The following ROBO2 variants were observed in gnomAD, a reference collection of about 807,000 sequenced individuals.
The protein encoded by ROBO2 is roundabout guidance receptor 2, also known as roundabout homolog 2.
Under a neutral mutation model 160.8 loss-of-function variants are expected in ROBO2, and 53 were observed. The ratio of observed to expected loss-of-function variants is 0.33; its 90% CI spans 0.26 to 0.41. ROBO2 has a LOEUF of 0.41. Among genes scored for constraint, ROBO2 ranks in the 10% least tolerant of loss-of-function variants. The probability of loss-of-function intolerance (pLI) is 1.00; values close to 1 mark genes in which losing one functional copy is unlikely to be tolerated. For synonymous variants in ROBO2, 664 were observed against 611.7 expected (o/e 1.09, Z -1.26); for missense variants, 1,577 against 1,722.4 (o/e 0.92, Z 1.49).
At chr3:75,957,525 T>C (rs1948764611) in intron 2 of ROBO2, among the ~76,000 whole-genome samples, 1 of 151,530 alleles carries the variant, frequency 6.6e-6, no homozygotes, top group African/African-American at 2.4e-5. Flanking sequence ...TTTTTTTTTT[T>C]ACTTCAGTAT....
At chr3:76,727,864 C>A (rs539036148) in intron 2 of ROBO2, among the ~76,000 whole-genome samples, 1 of 151,916 alleles carries the variant, frequency 6.6e-6, no homozygotes, top group Admixed American at 6.6e-5. Flanking sequence ...TAGTTAACAA[C>A]AATGTATGGT....
chr3:77,254,195 C>T (rs2090681876), intron 2 of ROBO2, among the ~76,000 whole-genome samples: 1 of 152,148 alleles, frequency 6.6e-6, no homozygotes, highest in Admixed American at 6.5e-5. Flanking sequence ...AGCCCAGGAG[C>T]AGTTAGAGGC....
At chr3:77,164,547 C>A (rs1355881248) in intron 2 of ROBO2, among the ~76,000 whole-genome samples, 18 of 145,330 alleles carry the variant, frequency 1.2e-4, no homozygotes, top group East Asian at 1.1e-3. Flanking sequence ...GGGGGTCAGA[C>A]CCCCGCCCGG....
At chr3:76,880,280 A>C (rs1484423018) in intron 2 of ROBO2, among the ~76,000 whole-genome samples, 1 of 152,144 alleles carries the variant, frequency 6.6e-6, no homozygotes, top group Non-Finnish European at 1.5e-5. Flanking sequence ...GAACAGTGGG[A>C]CCTAATTGAA....
chr3:76,247,023 A>G (rs550722297), intron 2 of ROBO2, among the ~76,000 whole-genome samples: 5 of 152,246 alleles, frequency 3.3e-5, no homozygotes, highest in African/African-American at 7.2e-5. Context: ...AAATAGTTCT[A>G]TATTATCAGA....
chr3:76,414,193 A>G (rs912974229), intron 2 of ROBO2, among the ~76,000 whole-genome samples: 2 of 152,188 alleles, frequency 1.3e-5, no homozygotes, highest in African/African-American at 2.4e-5. Context: ...GGGAGATACA[A>G]TTCAAGTTGA....
chr3:76,993,895 AC>A (rs1351864416), intron 2 of ROBO2, among the ~76,000 whole-genome samples: 2 of 151,814 alleles, frequency 1.3e-5, no homozygotes, highest in Non-Finnish European at 2.9e-5. Flanking sequence ...AAAAAAAAAA[AC>A]AAAACATTGT....
intron 2 of ROBO2, among the ~76,000 whole-genome samples, chr3:76,467,769 C>T (rs1047169061): frequency 6.6e-6 from 1 of 152,002 alleles, no homozygotes; most frequent in Admixed American, 6.6e-5. Flanking sequence ...AGTATTCCAA[C>T]TCGTAGTGGA....
chr3:76,796,511 A>AGAAGGAAGGAAGGAAG lies in ROBO2; in HGVS notation c.110-301489_110-301474dup, dbSNP rs144512442. 2.1e-3 allele frequency among the ~76,000 whole-genome samples: 308 copies of AGAAGGAAGGAAGGAAG among 144,552 alleles called. 2 individuals are homozygous for AGAAGGAAGGAAGGAAG. The highest frequency in any genetic ancestry group is 7.5e-3 in the African/African-American group (283 of 37,944). 94.8% of individuals were successfully genotyped at this position (144,552 alleles called of 152,430 possible). ...AGGAAGGAAGGAAGGAAAGAAGGAA[A>AGAAGGAAGGAAGGAAG]GAAGGAAGGAAGGAAGGAAGGAAGG... On this transcript the variant is annotated intron_variant, in intron 2 of 26. Coordinates refer to the ROBO2 transcript ENST00000487694.
intron 2 of ROBO2, among the ~76,000 whole-genome samples, chr3:76,692,495 C>T (rs544255287): frequency 5.9e-5 from 9 of 152,150 alleles, no homozygotes; most frequent in Admixed American, 2.0e-4. Context: ...GTTTTCTATT[C>T]GTCACAAGGA....
rs2072064507 is a variant in ROBO2, at chr3:76,149,545, A to G, written c.109+211943A>G. Among the ~76,000 whole-genome samples, 2 of 138,604 alleles carry G rather than the reference A, an allele frequency of 1.4e-5. 1 individual carries two copies. The highest frequency in any genetic ancestry group is 5.0e-5 in the African/African-American group (2 of 40,046). The allele number at this position is 138,604 out of a possible 152,430, so 90.9% of individuals were successfully genotyped here. On this transcript the variant is annotated intron_variant, in intron 2 of 26. Transcript: ENST00000487694. The stretch of plus-strand genomic sequence containing the variant: ...AAACACACATCTGTCTAAAGCACAC[A>G]TCTGTCTAAAGCACACATCATCTGT...
intron 2 of ROBO2, among the ~76,000 whole-genome samples, chr3:77,142,177 G>C (rs1319057910): frequency 6.6e-6 from 1 of 151,870 alleles, no homozygotes; most frequent in African/African-American, 2.4e-5. Context: ...CAAATCCTGA[G>C]GACATCTTTT....
chr3:76,789,981 T>C (rs1321869401), intron 2 of ROBO2, among the ~76,000 whole-genome samples: 1 of 151,726 alleles, frequency 6.6e-6, no homozygotes, highest in African/African-American at 2.4e-5. Flanking sequence ...TTTATCTCTA[T>C]ATTTTACATG....
chr3:76,580,969 C>G (rs2085666762), intron 2 of ROBO2, among the ~76,000 whole-genome samples: 1 of 152,128 alleles, frequency 6.6e-6, no homozygotes, highest in South Asian at 2.1e-4. Context: ...AACAGTAGTT[C>G]TGATGATCTA....
rs1160022601 is a variant in ROBO2 at position 76,395,337 on chromosome 3, G to T, written c.109+457735G>T. ...GACACATTCAAAGCAGTGTGTAGAG[G>T]GAAATTTATAGCACTAAATGCCCAC... On this transcript the variant is annotated intron_variant, in intron 2 of 26. Transcript: ENST00000487694. Among the ~76,000 whole-genome samples, 14 of 149,752 alleles carry T rather than the reference G, an allele frequency of 9.3e-5. No homozygotes were observed. The South Asian group carries it at 2.0e-3, about 21-fold the overall frequency.
chr3:76,355,924 C>G (rs1380549121), intron 2 of ROBO2, among the ~76,000 whole-genome samples: 1 of 151,586 alleles, frequency 6.6e-6, no homozygotes, highest in Non-Finnish European at 1.5e-5. Flanking sequence ...ATTGATTCAC[C>G]CCTTACAGCA....
chr3:76,731,097 G>T (rs1481198640), intron 2 of ROBO2, among the ~76,000 whole-genome samples: 1 of 151,980 alleles, frequency 6.6e-6, no homozygotes, highest in Non-Finnish European at 1.5e-5. Flanking sequence ...ACACTGTGTT[G>T]TGTTCCTCAG....
At chr3:76,359,451 A>G (rs1216276941) in intron 2 of ROBO2, among the ~76,000 whole-genome samples, 2 of 152,108 alleles carry the variant, frequency 1.3e-5, no homozygotes, top group Non-Finnish European at 2.9e-5. Flanking sequence ...ATACAAGTAA[A>G]TGCTAAGAGC....
At chr3:77,538,830 T>C in intron 6 of ROBO2, 1 of 484,144 alleles carries the variant, frequency 2.1e-6, no homozygotes, top group Non-Finnish European at 4.2e-6. Context: ...GGTCTATAAT[T>C]GCATTGCAAA....
Sources: allele counts gnomAD v4.1 joint callset (sites outside exome capture counted in the v4.1 genomes callset), GRCh38; gene constraint gnomAD v4.1.1; transcripts MANE v1.5; gene names NCBI Gene and HGNC (gene_info 2026-07-23, HGNC 2026-07-21).